ZC3HAV1: variants seen among roughly 807,000 people sequenced by gnomAD.
ZC3HAV1 encodes zinc finger CCCH-type containing, antiviral 1, also known as zinc finger CCCH-type antiviral protein 1.
ZC3HAV1 carries 41 observed loss-of-function variants against 86.6 expected under a neutral mutation model. The ratio of observed to expected loss-of-function variants is 0.47; its 90% CI spans 0.37 to 0.61. The LOEUF (loss-of-function observed/expected upper bound fraction) is 0.61. ZC3HAV1 is among the 20% of genes least tolerant of loss of function. The pLI is 0.00. For synonymous variants in ZC3HAV1, 421 were observed against 432.1 expected, an observed-to-expected ratio of 0.97 and a Z score of 0.32; for missense variants, 964 against 1,141.1, an observed-to-expected ratio of 0.84 and a Z score of 2.24.
intron 7 of ZC3HAV1, among the ~76,000 whole-genome samples, chr7:139,072,527 T>C (rs1816809256): frequency 6.6e-6 from 1 of 152,148 alleles, no homozygotes; most frequent in African/African-American, 2.4e-5. Context: ...CTTGCTTTCA[T>C]TTTCTGTTTC....
At chr7:139,067,682 A>C (rs1816646092) in intron 7 of ZC3HAV1, among the ~76,000 whole-genome samples, 1 of 152,214 alleles carries the variant, frequency 6.6e-6, no homozygotes, top group Middle Eastern at 3.2e-3. Flanking sequence ...GCATGTAACA[A>C]ATGTAACAAA....
At chr7:139,089,800 A>G in intron 1 of ZC3HAV1, 41 bp from the exon 2 acceptor site, 1 of 1,551,188 alleles carries the variant, frequency 6.4e-7, no homozygotes, top group African/African-American at 1.4e-5. Context: ...TCTACTACAC[A>G]GATGCAAAGA....
intron 7 of ZC3HAV1, among the ~76,000 whole-genome samples, chr7:139,068,565 T>A (rs1359364183): frequency 1.3e-5 from 2 of 152,254 alleles, no homozygotes; most frequent in African/African-American, 2.4e-5. Context: ...ACCATGGAAC[T>A]GATTTCTTAA....
In ZC3HAV1 at chr7:139,046,974, T is replaced by C. The variant is rs547627255; in HGVS notation, c.*620A>G. 9 of 152,414 alleles carry C rather than the reference T, an allele frequency of 5.9e-5. No homozygotes were observed. The highest frequency in any genetic ancestry group is 2.2e-4 in the African/African-American group (9 of 41,558). 9.4% of individuals were successfully genotyped at this position (152,414 alleles called of 1,614,324 possible). A position where few individuals can be genotyped will look rare whatever the true frequency, so the allele number is the denominator to read the frequency against. On this transcript the variant is annotated 3_prime_UTR_variant, in exon 13 of 13. Coordinates refer to ENST00000242351, the MANE Select transcript of ZC3HAV1 (RefSeq NM_020119.4). ...AAATTTAGAAATCAGCCTTTACCAG[T>C]TACATCTGAGACAAGGTAAACTTTC...
At chr7:139,075,742 A>G (rs1041418095) in intron 6 of ZC3HAV1, among the ~76,000 whole-genome samples, 45 of 151,346 alleles carry the variant, frequency 3.0e-4, no homozygotes, top group African/African-American at 1.0e-3. Flanking sequence ...GCTCGGCCAG[A>G]AGCAGAAATG....
intron 2 of ZC3HAV1, among the ~76,000 whole-genome samples, chr7:139,084,809 T>C (rs1202441197): frequency 1.3e-5 from 2 of 152,238 alleles, no homozygotes; most frequent in African/African-American, 4.8e-5. Flanking sequence ...GTTTGAACCA[T>C]GAAATGAGGA....
chr7:139,090,442 T>C (rs1584866859), intron 1 of ZC3HAV1, among the ~76,000 whole-genome samples: 1 of 152,198 alleles, frequency 6.6e-6, no homozygotes, highest in African/African-American at 2.4e-5. Context: ...TCAATTTCCA[T>C]AAAACAGTAT....
At chr7:139,051,773 G>A (rs1816131161) in intron 12 of ZC3HAV1, among the ~76,000 whole-genome samples, 2 of 152,158 alleles carry the variant, frequency 1.3e-5, no homozygotes. Flanking sequence ...TGTGTTTGGG[G>A]CCATGTCTAA....
intron 7 of ZC3HAV1, among the ~76,000 whole-genome samples, chr7:139,065,829 G>C (rs549680482): frequency 3.3e-5 from 5 of 152,064 alleles, no homozygotes; most frequent in South Asian, 2.1e-4. Context: ...GCTTAAACTC[G>C]GGGGGCGGAG....
At position 139,057,532 on chromosome 7, in the gene ZC3HAV1, ATTTTTTTTTT is replaced by A. The variant is rs765288792; in HGVS notation, c.2097-2247_2097-2238del. ...AATTTTCCATGATCAAAACAATTAC[ATTTTTTTTTT>A]TTTTTTTTTTTTTTGAGACGGAGTC... On this transcript the variant is annotated intron_variant, in intron 9 of 12. Transcript: ENST00000242351. Among the ~76,000 whole-genome samples the A allele has an allele frequency of 3.5e-5, 2 of 56,908 alleles. 1 individual carries two copies. The highest frequency in any genetic ancestry group is 6.3e-5 in the Non-Finnish European group (2 of 31,518). 37.3% of individuals were successfully genotyped at this position (56,908 alleles called of 152,430 possible).
intron 1 of ZC3HAV1, 51 bp from the exon 2 acceptor site, chr7:139,089,810 A>T (rs747171184): frequency 1.3e-6 from 2 of 1,537,520 alleles, no homozygotes; most frequent in Non-Finnish European, 1.7e-6. Flanking sequence ...AGATGCAAAG[A>T]AACAGAAATC....
At chr7:139,052,606 CAAAAAA>C (rs35386659) in intron 12 of ZC3HAV1, among the ~76,000 whole-genome samples, 1 of 64,962 alleles carries the variant, frequency 1.5e-5, no homozygotes, top group Admixed American at 1.9e-4. Flanking sequence ...ACTCTGTCTC[CAAAAAA>C]AAAAAAAAAA....
At chr7:139,051,722 C>T (rs1009397943) in intron 12 of ZC3HAV1, among the ~76,000 whole-genome samples, 1 of 152,212 alleles carries the variant, frequency 6.6e-6, no homozygotes, top group Non-Finnish European at 1.5e-5. Context: ...CCATGCCTGG[C>T]CACAGTCATT....
At chr7:139,096,906 G>T (rs1289370541) in intron 1 of ZC3HAV1, among the ~76,000 whole-genome samples, 1 of 152,144 alleles carries the variant, frequency 6.6e-6, no homozygotes, top group Non-Finnish European at 1.5e-5. Flanking sequence ...GCTGAGGAGG[G>T]TGGATAGCTT....
chr7:139,055,220 G>T lies in ZC3HAV1; in HGVS notation c.2172C>A (p.Ser724=), dbSNP rs1242280570. 6.2e-7 allele frequency: 1 copy of T among 1,612,892 alleles called. No individual in the cohort carries two copies. The highest frequency in any genetic ancestry group is 8.5e-7 in the Non-Finnish European group (1 of 1,179,336). ...FRPQEDFCFL[S]SKKYKLSEIH... ...AACCAAGTACCTTATATTTCTTTGAGGATAGGAAGCAAAAGTCCTCCTGAG... is the reference window on the plus strand; with the variant it reads ...AACCAAGTACCTTATATTTCTTTGATGATAGGAAGCAAAAGTCCTCCTGAG... Residue 724 remains serine, a synonymous_variant, in exon 10 of 13, where the codon TCC becomes TCA. Coordinates refer to ENST00000242351, the MANE Select transcript of ZC3HAV1 (RefSeq NM_020119.4).
At chr7:139,060,348 C>T in intron 9 of ZC3HAV1, 4 of 985,444 alleles carry the variant, frequency 4.1e-6, no homozygotes, top group Non-Finnish European at 4.8e-6. Context: ...TGTTCATGAA[C>T]AATGTAGAGT....
Position 139,108,225 on chromosome 7 carries a change from A to C in ZC3HAV1, c.308+799T>G, listed in dbSNP as rs1037196591. On this transcript the variant is annotated intron_variant, in intron 1 of 12. Transcript: ENST00000242351. This position sits in a 1 kb window ranked among gnomAD's most constrained non-coding sequence, Gnocchi z 4.2. ...TTAGGGAGAAACTGGGAAGAAAATCACTCAAGAGTCTTAACCCAAACCTTG... is the reference window on the plus strand; with the variant it reads ...TTAGGGAGAAACTGGGAAGAAAATCCCTCAAGAGTCTTAACCCAAACCTTG... 6.6e-6 allele frequency among the ~76,000 whole-genome samples: 1 copy of C among 151,366 alleles called. No individual in the cohort carries two copies. Among genetic ancestry groups the C allele is most frequent in the Admixed American group, 6.6e-5 (1 of 15,152 alleles).
chr7:139,061,273 CT>C (rs1358077522), intron 8 of ZC3HAV1, 135 bp from the exon 9 acceptor site: 2 of 809,738 alleles, frequency 2.5e-6, no homozygotes, highest in Non-Finnish European at 3.8e-6. Flanking sequence ...AGAGAAAATC[CT>C]TTGGGATGAG....
At chr7:139,065,503 C>T (rs1816573237) in intron 7 of ZC3HAV1, among the ~76,000 whole-genome samples, 1 of 152,194 alleles carries the variant, frequency 6.6e-6, no homozygotes, top group African/African-American at 2.4e-5. Flanking sequence ...AATAACCTAA[C>T]CCTCTCCTCT....
Sources: allele counts gnomAD v4.1 joint callset (sites outside exome capture counted in the v4.1 genomes callset), GRCh38; gene constraint gnomAD v4.1.1; non-coding constraint Gnocchi (gnomAD v3.1); transcripts MANE v1.5; gene names NCBI Gene and HGNC (gene_info 2026-07-23, HGNC 2026-07-21).